The following NCEH1 variants were observed in gnomAD, a reference collection of about 807,000 sequenced individuals.
NCEH1 encodes the protein neutral cholesterol ester hydrolase 1, also known as 2-acetyl MAGE hydrolase.
Under a neutral mutation model 25.4 loss-of-function variants are expected in NCEH1, and 9 were observed. That is an observed-to-expected ratio of 0.35 (90% CI 0.21 to 0.62). NCEH1 has a LOEUF of 0.62. NCEH1 is among the 20% of genes least tolerant of loss of function. The pLI is 0.72. For synonymous variants in NCEH1, 200 were observed against 199.8 expected, an observed-to-expected ratio of 1.00 and a Z score of -0.01; for missense variants, 412 against 501.1, an observed-to-expected ratio of 0.82 and a Z score of 1.70.
intron 1 of NCEH1, among the ~76,000 whole-genome samples, chr3:172,682,311 T>G (rs933569217): frequency 6.6e-5 from 10 of 152,224 alleles, no homozygotes; most frequent in African/African-American, 2.4e-4. Context: ...CCAGTTTATC[T>G]ACTGTTTACT....
chr3:172,655,562 G>A (rs550704026), intron 1 of NCEH1, among the ~76,000 whole-genome samples: 31 of 152,276 alleles, frequency 2.0e-4, no homozygotes, highest in Non-Finnish European at 1.6e-4. Context: ...GTCACAGGGC[G>A]GTGTTCACGC....
At position 172,636,099 on chromosome 3, in the gene NCEH1, A is replaced by T. The variant is rs745898743; in HGVS notation, c.438-12T>A. On this transcript the variant is annotated splice_polypyrimidine_tract_variant and intron_variant, in intron 3 of 4. Transcript: ENST00000475381. ...GAACTAGCCTGTATCTGTAAAAACA[A>T]AAGTTGTATTCATTTAAGGCCTTCT... The T allele has an allele frequency of 3.7e-6, 6 of 1,607,578 alleles. No homozygotes were observed. Among genetic ancestry groups the T allele is most frequent in the Admixed American group, 3.3e-5 (2 of 59,910 alleles).
At chr3:172,689,771 T>TA (rs995956539) in intron 1 of NCEH1, among the ~76,000 whole-genome samples, 2 of 151,622 alleles carry the variant, frequency 1.3e-5, no homozygotes, top group Non-Finnish European at 1.5e-5. Context: ...GGTAGTATAG[T>TA]AAAATTGGAA....
chr3:172,701,466 T>TTTTTTTTTA (rs1159407444), intron 1 of NCEH1, among the ~76,000 whole-genome samples: 4 of 143,590 alleles, frequency 2.8e-5, no homozygotes, highest in South Asian at 2.2e-4. Context: ...TTTTTTTTTT[T>TTTTTTTTTA]AAAGACGGAG....
intron 1 of NCEH1, among the ~76,000 whole-genome samples, chr3:172,701,114 A>G (rs1440372872): frequency 6.6e-6 from 1 of 152,150 alleles, no homozygotes; most frequent in Non-Finnish European, 1.5e-5. Flanking sequence ...TCCCAAATCC[A>G]TATCACCAGC....
At chr3:172,644,221 A>ACTCTAGGGCTTTGGG (rs1560181551) in intron 3 of NCEH1, among the ~76,000 whole-genome samples, 15 of 126,150 alleles carry the variant, frequency 1.2e-4, no homozygotes, top group Non-Finnish European at 1.9e-4. Context: ...AGGGCTTTTG[A>ACTCTAGGGCTTTGGG]GTGACTCTAG....
At chr3:172,689,924 G>A (rs1282075809) in intron 1 of NCEH1, among the ~76,000 whole-genome samples, 1 of 130,974 alleles carries the variant, frequency 7.6e-6, no homozygotes, top group Non-Finnish European at 1.6e-5. Context: ...TTTTTTTTGA[G>A]ACGGAGTCTC....
chr3:172,711,051 G>T lies in NCEH1; in HGVS notation c.-67C>A. 1 of 1,610,002 alleles carries T rather than the reference G, an allele frequency of 6.2e-7. No individual in the cohort carries two copies. Among genetic ancestry groups the T allele is most frequent in the Non-Finnish European group, 8.5e-7 (1 of 1,177,014 alleles). The stretch of plus-strand genomic sequence containing the variant: ...AGGGCGATACCACCCGGAGACCTCC[G>T]GCAACTTTCTGCCCGCGGCAGCTGC... On this transcript the variant is annotated 5_prime_UTR_variant, in exon 1 of 5. Transcript: ENST00000475381.
chr3:172,638,918 C>A (rs1018480816), intron 3 of NCEH1, among the ~76,000 whole-genome samples: 1 of 152,104 alleles, frequency 6.6e-6, no homozygotes, highest in African/African-American at 2.4e-5. Flanking sequence ...GTTCCTGGTG[C>A]CATAAAGATC....
intron 1 of NCEH1, among the ~76,000 whole-genome samples, chr3:172,689,301 C>A (rs896895934): frequency 1.4e-4 from 20 of 143,466 alleles, no homozygotes; most frequent in Non-Finnish European, 2.4e-4. Context: ...TCTTGTTGCC[C>A]AGGCTGGACT....
chr3:172,689,905 A>ATT (rs1339105855), intron 1 of NCEH1, among the ~76,000 whole-genome samples: 1,473 of 139,502 alleles, frequency 0.011, 14 homozygotes, highest in Non-Finnish European at 0.017. Flanking sequence ...TATTTTATTT[A>ATT]TTTATTTTTT....
In NCEH1 at chr3:172,661,080, T is replaced by A. The variant is rs528575442; in HGVS notation, c.139-12966A>T. Among the ~76,000 whole-genome samples the A allele has an allele frequency of 5.3e-5, 8 of 152,310 alleles. No individual in the cohort carries two copies. The South Asian group carries it at 1.7e-3, about 32-fold the overall frequency. On this transcript the variant is annotated intron_variant, in intron 1 of 4. Coordinates refer to ENST00000475381, the MANE Select transcript of NCEH1 (RefSeq NM_020792.6). ...TGTCCCTGAATGGTATTGCCTAGGT[T>A]TTCTTCTAGGGTTTTTATGGTTTTA...
intron 1 of NCEH1, among the ~76,000 whole-genome samples, chr3:172,669,429 T>C (rs139606307): frequency 4.4e-4 from 67 of 152,374 alleles, no homozygotes; most frequent in African/African-American, 1.5e-3. Flanking sequence ...AATGGTAATA[T>C]TTCTTCTAAA....
chr3:172,693,293 A>G (rs972772272), intron 1 of NCEH1, among the ~76,000 whole-genome samples: 2 of 152,238 alleles, frequency 1.3e-5, no homozygotes, highest in Non-Finnish European at 2.9e-5. Context: ...ATAAGACTAT[A>G]TGTTTAAGTA....
chr3:172,707,654 C>A (rs1417569444), intron 1 of NCEH1, among the ~76,000 whole-genome samples: 2 of 152,106 alleles, frequency 1.3e-5, no homozygotes, highest in Non-Finnish European at 1.5e-5. Flanking sequence ...GGCCTGATCT[C>A]GGCCCACTGC....
At chr3:172,665,367 G>A (rs1017293711) in intron 1 of NCEH1, among the ~76,000 whole-genome samples, 1 of 152,128 alleles carries the variant, frequency 6.6e-6, no homozygotes, top group Non-Finnish European at 1.5e-5. Flanking sequence ...GTCTCAGAGG[G>A]GCACCTGGCT....
At chr3:172,641,160 C>T (rs959802426) in intron 3 of NCEH1, among the ~76,000 whole-genome samples, 4 of 152,134 alleles carry the variant, frequency 2.6e-5, no homozygotes, top group African/African-American at 9.7e-5. Context: ...TATAGTTAAA[C>T]TGCACTGAAA....
At chr3:172,670,234 C>T (rs1268666854) in intron 1 of NCEH1, among the ~76,000 whole-genome samples, 1 of 152,208 alleles carries the variant, frequency 6.6e-6, no homozygotes, top group Non-Finnish European at 1.5e-5. Context: ...TCTCTACTTG[C>T]TCTCAGCTGA....
In NCEH1 at chr3:172,633,327, A is replaced by G. The variant is rs1426125890; in HGVS notation, c.*148T>C. 1 of 785,634 alleles carries G rather than the reference A, an allele frequency of 1.3e-6. No individual in the cohort carries two copies. Among genetic ancestry groups the G allele is most frequent in the Non-Finnish European group, 2.0e-6 (1 of 491,072 alleles). 48.7% of individuals were successfully genotyped at this position (785,634 alleles called of 1,614,324 possible). ...ATTCATTTTTAAAAATTAGGTTATC[A>G]TAAAGACTTCAGTTATGGAATAGAA... On this transcript the variant is annotated 3_prime_UTR_variant, in exon 5 of 5. Coordinates refer to ENST00000475381, the MANE Select transcript of NCEH1 (RefSeq NM_020792.6).
Sources: gnomAD v4.1 joint callset for allele counts (sites outside exome capture counted in the v4.1 genomes callset) on GRCh38, gnomAD v4.1.1 for gene constraint, MANE v1.5 for transcripts, NCBI Gene and HGNC (gene_info 2026-07-23, HGNC 2026-07-21) for gene names.